The following SLC35F1 variants were observed in gnomAD, a reference collection of about 807,000 sequenced individuals.
SLC35F1 encodes the protein chromosome 6 open reading frame 169.
Under a neutral mutation model 48.7 loss-of-function variants are expected in SLC35F1, and 14 were observed. The observed-to-expected ratio is 0.29, with a 90% CI of 0.19 to 0.45. The LOEUF (loss-of-function observed/expected upper bound fraction) is 0.45, where lower values mean the gene tolerates loss of function less well. Ranked by LOEUF, SLC35F1 falls within the 20% of genes least tolerant of loss-of-function variation. The pLI is 1.00. For synonymous variants in SLC35F1, 190 were observed against 202.2 expected, an observed-to-expected ratio of 0.94 and a Z score of 0.51; for missense variants, 404 against 500.0, an observed-to-expected ratio of 0.81 and a Z score of 1.83.
chr6:118,309,640 G>A (rs1232987023), intron 7 of SLC35F1, among the ~76,000 whole-genome samples: 3 of 152,208 alleles, frequency 2.0e-5, no homozygotes, highest in East Asian at 3.8e-4. Flanking sequence ...ACTTTGAAAT[G>A]ACTTTCAAAC....
intron 1 of SLC35F1, among the ~76,000 whole-genome samples, chr6:117,963,919 C>G (rs1372538045): frequency 1.3e-5 from 2 of 152,160 alleles, no homozygotes. Flanking sequence ...AAGTCATTAC[C>G]TAGGTATTAA....
intron 1 of SLC35F1, among the ~76,000 whole-genome samples, chr6:118,096,360 G>A (rs1283496104): frequency 6.6e-6 from 1 of 152,176 alleles, no homozygotes; most frequent in East Asian, 1.9e-4. Flanking sequence ...GTGAATGTGA[G>A]TTAAAAAGAG....
rs1773868630 is a variant in SLC35F1, at chr6:118,140,422, GA to G, written c.174-14022del. Reference sequence around the variant, plus strand: ...AATGTATTACTCAGACATTTCTGGTGATAGTGGTGTAAACAAACTTCTATGC... The same window carrying G: ...AATGTATTACTCAGACATTTCTGGTGTAGTGGTGTAAACAAACTTCTATGC... On this transcript the variant is annotated intron_variant, in intron 1 of 7. Coordinates refer to ENST00000360388, the MANE Select transcript of SLC35F1 (RefSeq NM_001029858.4). Among the ~76,000 whole-genome samples the G allele has an allele frequency of 5.3e-5, 8 of 152,306 alleles. 1 individual carries two copies. In the South Asian group the frequency reaches 1.7e-3, roughly 32 times the overall value.
intron 2 of SLC35F1, among the ~76,000 whole-genome samples, chr6:118,191,164 A>G (rs887130360): frequency 1.8e-4 from 27 of 152,068 alleles, no homozygotes; most frequent in Admixed American, 6.6e-4. Flanking sequence ...AAGTGAATCA[A>G]TGTTCTGTTT....
At position 118,266,372 on chromosome 6, in the gene SLC35F1, T is replaced by A. The variant is rs115844723; in HGVS notation, c.478-623T>A. Among the ~76,000 whole-genome samples, 741 of 150,780 alleles carry A rather than the reference T, an allele frequency of 4.9e-3. 7 individuals are homozygous for A. The highest frequency in any genetic ancestry group is 0.017 in the African/African-American group (683 of 40,188). On this transcript the variant is annotated intron_variant, in intron 3 of 7. Transcript: ENST00000360388. ...CTCTATTCAACTTTCTTTAAAAAATTTTTTTTCTAATAGTTCTTTTAAGTA... is the reference window on the plus strand; with the variant it reads ...CTCTATTCAACTTTCTTTAAAAAATATTTTTTCTAATAGTTCTTTTAAGTA...
chr6:118,153,496 G>T (rs1353617784), intron 1 of SLC35F1, among the ~76,000 whole-genome samples: 1 of 152,084 alleles, frequency 6.6e-6, no homozygotes, highest in Non-Finnish European at 1.5e-5. Context: ...TTATATTACT[G>T]TTTCTATAAA....
At chr6:118,138,819 T>A (rs2859147) in intron 1 of SLC35F1, among the ~76,000 whole-genome samples, 15,996 of 151,982 alleles carry the variant, frequency 0.11, 2,145 homozygotes, top group African/African-American at 0.31. Flanking sequence ...AGGGGGAAAA[T>A]AATGTGTGCT....
intron 3 of SLC35F1, among the ~76,000 whole-genome samples, chr6:118,262,819 G>A (rs1437775857): frequency 6.6e-6 from 1 of 152,168 alleles, no homozygotes; most frequent in East Asian, 1.9e-4. Context: ...GGGCGCTGTG[G>A]CTCAGGCCTG....
intron 7 of SLC35F1, among the ~76,000 whole-genome samples, chr6:118,288,450 T>C (rs1776078248): frequency 6.6e-6 from 1 of 152,172 alleles, no homozygotes; most frequent in Non-Finnish European, 1.5e-5. Context: ...AGCAGAGGCT[T>C]CCAGGTCACA....
chr6:118,275,098 A>G (rs1029903121), intron 4 of SLC35F1, among the ~76,000 whole-genome samples: 5 of 152,114 alleles, frequency 3.3e-5, no homozygotes, highest in African/African-American at 1.2e-4. Context: ...ATCCCTTAGA[A>G]CTTGGGAGGT....
intron 2 of SLC35F1, among the ~76,000 whole-genome samples, chr6:118,160,364 T>C (rs988567908): frequency 1.3e-5 from 2 of 152,212 alleles, no homozygotes; most frequent in African/African-American, 4.8e-5. Flanking sequence ...GAGTATGGCA[T>C]GTGTTTTGCT....
intron 1 of SLC35F1, among the ~76,000 whole-genome samples, chr6:117,998,030 A>G (rs1269725172): frequency 6.7e-6 from 1 of 149,000 alleles, no homozygotes. Flanking sequence ...CAGGAAACCC[A>G]TCTCACGTGC....
In SLC35F1 at chr6:118,314,541, T is replaced by C. The variant is rs1265532455; in HGVS notation, c.*289T>C. 1 of 395,412 alleles carries C rather than the reference T, an allele frequency of 2.5e-6. No homozygotes were observed. Among genetic ancestry groups the C allele is most frequent in the Admixed American group, 3.7e-5 (1 of 26,938 alleles). 24.5% of individuals were successfully genotyped at this position (395,412 alleles called of 1,614,324 possible). A position where few individuals can be genotyped will look rare whatever the true frequency, so the allele number is the denominator to read the frequency against. On this transcript the variant is annotated 3_prime_UTR_variant, in exon 8 of 8. Coordinates refer to ENST00000360388, the MANE Select transcript of SLC35F1 (RefSeq NM_001029858.4). ...AATCAAAAGCAAGTATTATTGTTAT[T>C]ATGATTTGTATTATTATTATTGCTG...
intron 1 of SLC35F1, among the ~76,000 whole-genome samples, chr6:117,987,258 T>G (rs1776859253): frequency 6.6e-6 from 1 of 152,122 alleles, no homozygotes; most frequent in African/African-American, 2.4e-5. Flanking sequence ...GATATCTTGA[T>G]ATCAAGTAAT....
chr6:118,191,720 A>G (rs2114523441), intron 2 of SLC35F1, among the ~76,000 whole-genome samples: 1 of 152,338 alleles, frequency 6.6e-6, no homozygotes, highest in African/African-American at 2.4e-5. Flanking sequence ...GTGAAAATAC[A>G]GTGTAGCATA....
chr6:118,133,607 A>G (rs1773748978), intron 1 of SLC35F1, among the ~76,000 whole-genome samples: 1 of 152,204 alleles, frequency 6.6e-6, no homozygotes, highest in South Asian at 2.1e-4. Flanking sequence ...TTTTGGAGTT[A>G]AATTTACAGG....
At chr6:118,266,280 C>G (rs1374222245) in intron 3 of SLC35F1, among the ~76,000 whole-genome samples, 1 of 152,104 alleles carries the variant, frequency 6.6e-6, no homozygotes, top group Admixed American at 6.6e-5. Flanking sequence ...TTTGGACTTA[C>G]ATGTCAGATG....
At chr6:118,274,122 A>G (rs1320269856) in intron 4 of SLC35F1, among the ~76,000 whole-genome samples, 5 of 152,150 alleles carry the variant, frequency 3.3e-5, no homozygotes, top group Non-Finnish European at 7.4e-5. Flanking sequence ...TCCTTTCCTT[A>G]GAATCATGCT....
chr6:117,940,503 A>G (rs1460925774), intron 1 of SLC35F1, among the ~76,000 whole-genome samples: 2 of 152,246 alleles, frequency 1.3e-5, no homozygotes, highest in African/African-American at 4.8e-5. Flanking sequence ...TGTATATCCA[A>G]AGAAAAATAA....
Sources: allele counts gnomAD v4.1 joint callset (sites outside exome capture counted in the v4.1 genomes callset), GRCh38; gene constraint gnomAD v4.1.1; transcripts MANE v1.5; gene names NCBI Gene and HGNC (gene_info 2026-07-23, HGNC 2026-07-21).